Variants in PNLDC1 observed in about 807,000 individuals in gnomAD.
PNLDC1 encodes PARN like ribonuclease domain containing exonuclease 1.
A neutral mutation model predicts 82.0 loss-of-function variants in PNLDC1; 70 were observed. That is an observed-to-expected ratio of 0.85 (90% CI 0.70 to 1.04). PNLDC1 has a LOEUF of 1.04. Among genes scored for constraint, PNLDC1 ranks in the 50% least tolerant of loss-of-function variants. PNLDC1 has a pLI of 0.00. For synonymous variants in PNLDC1, 280 were observed against 249.3 expected, an observed-to-expected ratio of 1.12 and a Z score of -1.16; for missense variants, 631 against 661.1, an observed-to-expected ratio of 0.95 and a Z score of 0.50.
chr6:159,809,887 A>G, intron 9 of PNLDC1, 139 bp from the exon 10 acceptor site: 1 of 684,996 alleles, frequency 1.5e-6, no homozygotes, highest in Non-Finnish European at 2.5e-6. Flanking sequence ...ACAGAGGCAA[A>G]GGAAGGTTAG....
At chr6:159,810,193 C>T (rs1251300727) in intron 10 of PNLDC1, 98 bp downstream of exon 10, 1 of 1,041,000 alleles carries the variant, frequency 9.6e-7, no homozygotes, top group African/African-American at 1.6e-5. Flanking sequence ...TCCTAAAATG[C>T]CCATTCCTCC....
chr6:159,811,004 G>A (rs1781628145), intron 10 of PNLDC1, among the ~76,000 whole-genome samples: 1 of 152,222 alleles, frequency 6.6e-6, no homozygotes, highest in Admixed American at 6.5e-5. Flanking sequence ...TGACGCGCGT[G>A]GGGCGATACG....
At chr6:159,807,459 A>G (rs893070731) in intron 7 of PNLDC1, among the ~76,000 whole-genome samples, 2 of 152,172 alleles carry the variant, frequency 1.3e-5, no homozygotes, top group Admixed American at 6.5e-5. Context: ...TGATAAAATT[A>G]CAGCTTTCAA....
Position 159,800,292 on chromosome 6 carries a change from G to A in PNLDC1, c.-16G>A, listed in dbSNP as rs1162906288. The A allele has an allele frequency of 1.9e-6, 3 of 1,543,664 alleles. No homozygotes were observed. The highest frequency in any genetic ancestry group is 2.4e-5 in the South Asian group (2 of 83,844). ...GCACGTGATAGCGCTGGGCGACTCC[G>A]CGGAGCTGCACGGCCATGGACGTGG... On this transcript the variant is annotated 5_prime_UTR_variant, in exon 1 of 19. Coordinates refer to ENST00000392167, the MANE Select transcript of PNLDC1 (RefSeq NM_001271862.2).
Position 159,811,771 on chromosome 6 carries a change from A to G in PNLDC1, c.924A>G (p.Thr308=). Residue 308 remains threonine (T), a synonymous_variant, in exon 11 of 19, where the codon ACA becomes ACG. Transcript: ENST00000392167. ...FPVLIDTKSV[T]KDIWKEMNFP... ...TTCTCATTGATACCAAGAGTGTAAC[A>G]AAGGATATCTGGAAGGTAATGAATA... is the stretch of plus-strand genomic sequence containing the variant. 1 of 1,610,946 alleles carries G rather than the reference A, an allele frequency of 6.2e-7. No individual in the cohort carries two copies. Among genetic ancestry groups the G allele is most frequent in the Non-Finnish European group, 8.5e-7 (1 of 1,177,114 alleles).
At chr6:159,806,146 A>G in intron 7 of PNLDC1, 63 bp downstream of exon 7, 2 of 1,283,150 alleles carry the variant, frequency 1.6e-6, no homozygotes, top group Non-Finnish European at 2.3e-6. Flanking sequence ...ACCTGCCAGG[A>G]GTTGGGGGAA....
chr6:159,813,984 G>A (rs1218701145), intron 12 of PNLDC1, among the ~76,000 whole-genome samples: 1 of 152,124 alleles, frequency 6.6e-6, no homozygotes, highest in African/African-American at 2.4e-5. Flanking sequence ...AGGAGGAGCT[G>A]CCACCTACTC....
intron 3 of PNLDC1, among the ~76,000 whole-genome samples, chr6:159,801,806 A>C (rs1781268028): frequency 6.6e-6 from 1 of 151,502 alleles, no homozygotes; most frequent in South Asian, 2.1e-4. Flanking sequence ...AGGTCATCTC[A>C]GTTTCAGAAA....
chr6:159,814,897 CCT>C (rs1297054466), intron 12 of PNLDC1, among the ~76,000 whole-genome samples: 1 of 152,168 alleles, frequency 6.6e-6, no homozygotes, highest in Non-Finnish European at 1.5e-5. Context: ...GTCTGTTGAA[CCT>C]TAGCTGCTGT....
At chr6:159,800,490 G>A in intron 1 of PNLDC1, 107 bp downstream of exon 1, 1 of 1,365,672 alleles carries the variant, frequency 7.3e-7, no homozygotes, top group African/African-American at 1.5e-5. Context: ...CTCAGAGAGG[G>A]CCTCGGGAAG....
rs753902601 is a variant in PNLDC1 at position 159,806,038 on chromosome 6, G to C, written c.517G>C (p.Glu173Gln). 18 of 1,614,064 alleles carry C rather than the reference G, an allele frequency of 1.1e-5. No individual in the cohort carries two copies. The highest frequency in any genetic ancestry group is 1.5e-5 in the Non-Finnish European group (18 of 1,180,040). ...VVIDEVTRWL[E>Q]LAKEGDWMTL... ...GATTGACGAAGTGACGCGGTGGCTG[G>C]AGCTGGCCAAGGAAGGCGACTGGAT... is the stretch of plus-strand genomic sequence containing the variant. Residue 173 changes from glutamate (E) to glutamine (Q), a missense_variant, in exon 7 of 19, where the codon GAG (glutamate) becomes CAG (glutamine). Transcript: ENST00000392167.
At chr6:159,815,879 A>AC in intron 12 of PNLDC1, 90 bp from the exon 13 acceptor site, 1 of 1,035,386 alleles carries the variant, frequency 9.7e-7, no homozygotes. Flanking sequence ...ACATTTAAAA[A>AC]ATTTATATTA....
intron 13 of PNLDC1, 76 bp from the exon 14 acceptor site, chr6:159,816,467 G>A: frequency 2.2e-6 from 3 of 1,362,050 alleles, no homozygotes; most frequent in Non-Finnish European, 3.2e-6. Context: ...TGCAGCCACT[G>A]TGGATGGTGA....
In PNLDC1 at chr6:159,803,253, C is replaced by T. The variant is rs775310845; in HGVS notation, c.209-18C>T. ...TGCTTTTCCTTGGCATTCATTCCCT[C>T]TACGGTCATTCTTCCAGGATTGTCT... On this transcript the variant is annotated intron_variant, in intron 3 of 18. Transcript: ENST00000392167. 2 of 1,613,872 alleles carry T rather than the reference C, an allele frequency of 1.2e-6. No homozygotes were observed. Among genetic ancestry groups the T allele is most frequent in the Non-Finnish European group, 8.5e-7 (1 of 1,179,756 alleles).
chr6:159,809,972 G>A (rs1405948077), intron 9 of PNLDC1, 54 bp from the exon 10 acceptor site: 38 of 1,420,496 alleles, frequency 2.7e-5, no homozygotes, highest in Admixed American at 6.7e-5. Flanking sequence ...TTAGTCTGTA[G>A]TGTCTGGATT....
At chr6:159,818,215 G>A (rs1781900935) in intron 15 of PNLDC1, among the ~76,000 whole-genome samples, 2 of 152,336 alleles carry the variant, frequency 1.3e-5, no homozygotes, top group Middle Eastern at 3.4e-3. Flanking sequence ...CAAAGGTGAT[G>A]TCTTACCAAG....
chr6:159,803,404 TTGCCCTGGATC>T, intron 4 of PNLDC1, 94 bp downstream of exon 4: 1 of 1,151,960 alleles, frequency 8.7e-7, no homozygotes, highest in Non-Finnish European at 1.3e-6. Flanking sequence ...CCGATCACTT[TTGCCCTGGATC>T]TTCCGTATTC....
chr6:159,806,258 C>G (rs1255805369), intron 7 of PNLDC1, among the ~76,000 whole-genome samples, 175 bp downstream of exon 7: 1 of 152,222 alleles, frequency 6.6e-6, no homozygotes, highest in African/African-American at 2.4e-5. Flanking sequence ...AAGTTCTGAC[C>G]TGCATTCACA....
At chr6:159,801,496 G>A (rs868366334) in intron 3 of PNLDC1, among the ~76,000 whole-genome samples, 1 of 152,156 alleles carries the variant, frequency 6.6e-6, no homozygotes, top group Non-Finnish European at 1.5e-5. Flanking sequence ...ACCAAGACTG[G>A]AGTGCAGTAG....
Sources: allele counts gnomAD v4.1 joint callset (sites outside exome capture counted in the v4.1 genomes callset), GRCh38; gene constraint gnomAD v4.1.1; transcripts MANE v1.5; gene names NCBI Gene and HGNC (gene_info 2026-07-23, HGNC 2026-07-21).